MALRD1: variants seen among roughly 807,000 people sequenced by gnomAD.
MALRD1 encodes the protein MAM and LDL receptor class A domain containing 1, also known as MAM and LDL-receptor class A domain-containing protein 1.
Under a neutral mutation model 242.1 loss-of-function variants are expected in MALRD1, and 247 were observed. The observed-to-expected ratio is 1.02, with a 90% CI of 0.92 to 1.13. The LOEUF (loss-of-function observed/expected upper bound fraction) is 1.13. Ranked by LOEUF, MALRD1 falls within the 50% of genes most tolerant of loss-of-function variation. The pLI, the probability that MALRD1 is intolerant of heterozygous loss-of-function variation, is 0.00. For missense variants in MALRD1, 2,989 were observed against 2,533.1 expected (o/e 1.18, Z -3.86); for synonymous variants, 995 against 866.6 (o/e 1.15, Z -2.60).
chr10:19,226,077 C>G (rs1588724773), intron 18 of MALRD1, among the ~76,000 whole-genome samples: 1 of 152,110 alleles, frequency 6.6e-6, no homozygotes, highest in East Asian at 1.9e-4. Context: ...GACTGATAAC[C>G]ATTATGAACT....
intron 21 of MALRD1, among the ~76,000 whole-genome samples, chr10:19,322,234 A>C (rs1251543185): frequency 6.6e-6 from 1 of 152,150 alleles, no homozygotes; most frequent in Non-Finnish European, 1.5e-5. Flanking sequence ...AAGTATATAC[A>C]TCTTTGTTCT....
At chr10:19,489,050 A>C (rs1459296987) in intron 29 of MALRD1, 2 of 457,652 alleles carry the variant, frequency 4.4e-6, no homozygotes, top group African/African-American at 4.0e-5. Flanking sequence ...CGGAGGGTGG[A>C]GGGGCGGCAG....
chr10:19,622,614 A>T (rs1354315028), intron 36 of MALRD1, among the ~76,000 whole-genome samples: 1 of 151,292 alleles, frequency 6.6e-6, no homozygotes, highest in Non-Finnish European at 1.5e-5. Flanking sequence ...ATTCGTATGG[A>T]GAAATGAGTG....
chr10:19,575,483 T>TCACACACACACACA (rs66882231), intron 33 of MALRD1, among the ~76,000 whole-genome samples: 12 of 148,450 alleles, frequency 8.1e-5, no homozygotes, highest in African/African-American at 3.0e-4. Flanking sequence ...AGGCCATGGT[T>TCACACACACACACA]CACACACACA....
At chr10:19,216,870 C>T (rs903994469) in intron 18 of MALRD1, among the ~76,000 whole-genome samples, 4 of 151,104 alleles carry the variant, frequency 2.6e-5, no homozygotes, top group South Asian at 2.1e-4. Context: ...AGTGTGAACC[C>T]GGGAGGCAGA....
intron 14 of MALRD1, among the ~76,000 whole-genome samples, chr10:19,178,624 T>G (rs1835361975): frequency 6.6e-6 from 1 of 152,220 alleles, no homozygotes; most frequent in Admixed American, 6.5e-5. Context: ...TTAATCAAGC[T>G]TCTTCTCCTT....
intron 21 of MALRD1, among the ~76,000 whole-genome samples, chr10:19,288,061 G>A (rs544621926): frequency 5.3e-5 from 8 of 151,248 alleles, no homozygotes; most frequent in South Asian, 2.1e-4. Context: ...TTTCAAGGCC[G>A]TGTCTTTTTT....
chr10:19,612,986 T>C (rs1420309456), intron 35 of MALRD1, among the ~76,000 whole-genome samples: 1 of 152,014 alleles, frequency 6.6e-6, no homozygotes, highest in Non-Finnish European at 1.5e-5. Context: ...CATGCCACCC[T>C]TTCCTTGTAT....
At chr10:19,549,600 C>T (rs924738119) in intron 32 of MALRD1, among the ~76,000 whole-genome samples, 4 of 152,140 alleles carry the variant, frequency 2.6e-5, no homozygotes, top group Non-Finnish European at 4.4e-5. Flanking sequence ...TTTTTGTAGG[C>T]ATAATGCTGT....
intron 26 of MALRD1, among the ~76,000 whole-genome samples, chr10:19,369,807 G>A (rs1397835570): frequency 6.6e-6 from 1 of 151,454 alleles, no homozygotes; most frequent in African/African-American, 2.4e-5. Flanking sequence ...ATATACTCTA[G>A]ATGCCAGTAT....
At chr10:19,215,562 A>G (rs551024706) in intron 18 of MALRD1, among the ~76,000 whole-genome samples, 1 of 152,208 alleles carries the variant, frequency 6.6e-6, no homozygotes, top group South Asian at 2.1e-4. Flanking sequence ...AGCATCAGTG[A>G]TTTCACCGTT....
At chr10:19,273,717 G>A (rs1386309392) in intron 19 of MALRD1, among the ~76,000 whole-genome samples, 1 of 152,178 alleles carries the variant, frequency 6.6e-6, no homozygotes, top group Non-Finnish European at 1.5e-5. Context: ...GTTTGCCATT[G>A]TTTAGGGGAG....
chr10:19,140,025 A>C (rs1254411566), intron 10 of MALRD1, among the ~76,000 whole-genome samples: 1 of 152,330 alleles, frequency 6.6e-6, no homozygotes, highest in East Asian at 1.9e-4. Context: ...GCTAGTCCTT[A>C]AGAGCATCAA....
intron 26 of MALRD1, among the ~76,000 whole-genome samples, chr10:19,365,189 G>C (rs1239036292): frequency 6.6e-6 from 1 of 151,870 alleles, no homozygotes; most frequent in Admixed American, 6.6e-5. Flanking sequence ...AAAATTTTTA[G>C]ATCTAGTTTT....
At chr10:19,240,595 A>G (rs1838719487) in intron 18 of MALRD1, among the ~76,000 whole-genome samples, 1 of 152,042 alleles carries the variant, frequency 6.6e-6, no homozygotes, top group Admixed American at 6.6e-5. Flanking sequence ...TCTGACCTCC[A>G]GTACTATGCT....
chr10:19,341,502 G>GTA (rs576264676), intron 24 of MALRD1, among the ~76,000 whole-genome samples: 64 of 116,830 alleles, frequency 5.5e-4, no homozygotes, highest in African/African-American at 1.7e-3. Context: ...ATGTATATAT[G>GTA]TATATATATG....
At chr10:19,376,543 T>C (rs10827331) in intron 26 of MALRD1, among the ~76,000 whole-genome samples, 2 of 73,772 alleles carry the variant, frequency 2.7e-5, no homozygotes, top group East Asian at 3.2e-4. Context: ...TGATACATTC[T>C]TTTTTTTTTT....
At chr10:19,519,900 T>G (rs1004595610) in intron 31 of MALRD1, among the ~76,000 whole-genome samples, 1 of 152,244 alleles carries the variant, frequency 6.6e-6, no homozygotes, top group Non-Finnish European at 1.5e-5. Context: ...GAGGGGTTCT[T>G]ACAGTTGCTA....
At chr10:19,232,704 A>G (rs917950552) in intron 18 of MALRD1, among the ~76,000 whole-genome samples, 2 of 152,160 alleles carry the variant, frequency 1.3e-5, no homozygotes, top group Non-Finnish European at 2.9e-5. Flanking sequence ...ATAGAGAACA[A>G]TTTCATATAA....
Sources: allele counts gnomAD v4.1 joint callset (sites outside exome capture counted in the v4.1 genomes callset), GRCh38; gene constraint gnomAD v4.1.1; transcripts MANE v1.5; gene names NCBI Gene and HGNC (gene_info 2026-07-23, HGNC 2026-07-21).